CTNNA2: variants seen among roughly 807,000 people sequenced by gnomAD.
The protein encoded by CTNNA2 is catenin alpha-2.
CTNNA2 carries 42 observed loss-of-function variants against 101.0 expected under a neutral mutation model. The observed-to-expected ratio is 0.42, with a 90% CI of 0.32 to 0.54. The LOEUF (loss-of-function observed/expected upper bound fraction) is 0.54. Ranked by LOEUF, CTNNA2 falls within the 20% of genes least tolerant of loss-of-function variation. The pLI is 0.14. For missense variants in CTNNA2, 871 were observed against 1,223.1 expected (o/e 0.71, Z 4.29); for synonymous variants, 450 against 456.4 (o/e 0.99, Z 0.18).
At chr2:79,584,909 A>C (rs2103932824) in intron 1 of CTNNA2, among the ~76,000 whole-genome samples, 1 of 152,326 alleles carries the variant, frequency 6.6e-6, no homozygotes, top group Non-Finnish European at 1.5e-5. Context: ...ACAATTTTTT[A>C]AAAGCTGGTA....
chr2:80,057,984 A>C (rs1397912403), intron 7 of CTNNA2, among the ~76,000 whole-genome samples: 3 of 152,222 alleles, frequency 2.0e-5, no homozygotes, highest in South Asian at 2.1e-4. Flanking sequence ...CTAGGAAAAA[A>C]ATTAAAACTC....
intron 4 of CTNNA2, among the ~76,000 whole-genome samples, chr2:79,486,685 C>T (rs1162333681): frequency 2.0e-5 from 3 of 152,170 alleles, no homozygotes; most frequent in Non-Finnish European, 2.9e-5. Context: ...GTTTACAGTC[C>T]CACCAACTGT....
intron 7 of CTNNA2, among the ~76,000 whole-genome samples, chr2:79,947,367 A>T (rs1688568286): frequency 6.6e-6 from 1 of 152,140 alleles, no homozygotes; most frequent in African/African-American, 2.4e-5. Flanking sequence ...GGTCTAGAAG[A>T]TTTATTTTCT....
At chr2:80,464,507 A>G (rs1473576079) in intron 9 of CTNNA2, among the ~76,000 whole-genome samples, 5 of 152,196 alleles carry the variant, frequency 3.3e-5, no homozygotes, top group African/African-American at 1.2e-4. Context: ...TAAAAAGGGA[A>G]CAAGCAGATC....
intron 6 of CTNNA2, among the ~76,000 whole-genome samples, chr2:79,909,226 T>C (rs970036338): frequency 1.3e-5 from 2 of 152,234 alleles, no homozygotes; most frequent in African/African-American, 4.8e-5. Flanking sequence ...TTTATCATGT[T>C]TTAGCTCTAA....
intron 1 of CTNNA2, among the ~76,000 whole-genome samples, chr2:79,636,594 G>C (rs1680086076): frequency 6.6e-6 from 1 of 152,050 alleles, no homozygotes; most frequent in East Asian, 1.9e-4. Context: ...AGAGGACCCT[G>C]GGTATGTTGA....
At chr2:79,695,432 T>C (rs1251785967) in intron 2 of CTNNA2, among the ~76,000 whole-genome samples, 1 of 151,922 alleles carries the variant, frequency 6.6e-6, no homozygotes, top group Non-Finnish European at 1.5e-5. Context: ...AACAGGAATT[T>C]ATGTTGAGCA....
At chr2:79,819,341 T>G (rs554383713) in intron 3 of CTNNA2, among the ~76,000 whole-genome samples, 2 of 152,344 alleles carry the variant, frequency 1.3e-5, no homozygotes, top group East Asian at 3.9e-4. Flanking sequence ...CTGTGTGTAC[T>G]GCTGTTATAT....
intron 4 of CTNNA2, among the ~76,000 whole-genome samples, chr2:79,483,498 T>C (rs1001055618): frequency 6.6e-6 from 1 of 152,144 alleles, no homozygotes; most frequent in Non-Finnish European, 1.5e-5. Flanking sequence ...GATTTTGAGC[T>C]CACTCAGTAA....
chr2:79,930,275 A>AG (rs1491571107), intron 7 of CTNNA2, among the ~76,000 whole-genome samples: 2 of 12,262 alleles, frequency 1.6e-4, no homozygotes, highest in Admixed American at 6.6e-4. Flanking sequence ...AGAAAGAAAG[A>AG]AAGAGAGAGA....
In CTNNA2 at chr2:79,338,645, A is replaced by ATTCTTCTTCTTCTTCTTCTTCTT. The variant is rs1467280230; in HGVS notation, c.-318+25849_-318+25850insTTCTTCTTCTTCTTCTTCTTCTT. 2.2e-3 allele frequency among the ~76,000 whole-genome samples: 118 copies of ATTCTTCTTCTTCTTCTTCTTCTT among 53,906 alleles called. 1 individual carries two copies. Among genetic ancestry groups the ATTCTTCTTCTTCTTCTTCTTCTT allele is most frequent in the Middle Eastern group, 0.01 (1 of 96 alleles). 35.4% of individuals were successfully genotyped at this position (53,906 alleles called of 152,430 possible). ...TTCTTCTTCTTCTTCTTCTTCTTCA[A>ATTCTTCTTCTTCTTCTTCTTCTT]AGATTCCTCTGGCTGCTCTGGATTA... is the stretch of plus-strand genomic sequence containing the variant. On this transcript the variant is annotated intron_variant, in intron 3 of 21. Coordinates refer to the CTNNA2 transcript ENST00000466387.
intron 4 of CTNNA2, among the ~76,000 whole-genome samples, chr2:79,487,731 T>C (rs373810397): frequency 3.3e-5 from 5 of 152,274 alleles, no homozygotes; most frequent in South Asian, 4.1e-4. Flanking sequence ...TACCACTGCA[T>C]AGACAAATTC....
chr2:79,349,337 C>G (rs906077043), intron 3 of CTNNA2, among the ~76,000 whole-genome samples: 2 of 152,196 alleles, frequency 1.3e-5, no homozygotes, highest in African/African-American at 4.8e-5. Flanking sequence ...GAAATTCTAA[C>G]TCATGGGTTT....
intron 7 of CTNNA2, among the ~76,000 whole-genome samples, chr2:80,059,687 CCA>C (rs1697445563): frequency 6.6e-6 from 1 of 152,174 alleles, no homozygotes; most frequent in East Asian, 1.9e-4. Context: ...GTGGCGGCAC[CCA>C]CACACCTTGC....
intron 1 of CTNNA2, among the ~76,000 whole-genome samples, chr2:79,612,750 C>T (rs1044073682): frequency 6.6e-6 from 1 of 151,918 alleles, no homozygotes; most frequent in African/African-American, 2.4e-5. Context: ...AGAAAAATTA[C>T]CTAGTAATGT....
intron 3 of CTNNA2, among the ~76,000 whole-genome samples, chr2:79,330,012 T>G (rs1260457574): frequency 6.6e-6 from 1 of 152,140 alleles, no homozygotes; most frequent in Non-Finnish European, 1.5e-5. Context: ...GGCCTCTGTC[T>G]GTAAAACAGC....
chr2:80,085,709 C>G (rs971285306), intron 7 of CTNNA2, among the ~76,000 whole-genome samples: 1 of 151,736 alleles, frequency 6.6e-6, no homozygotes, highest in South Asian at 2.1e-4. Context: ...TCTGGCTTCC[C>G]CTATATTGAT....
intron 7 of CTNNA2, among the ~76,000 whole-genome samples, chr2:80,317,637 C>T (rs1678257953): frequency 6.6e-6 from 1 of 152,180 alleles, no homozygotes; most frequent in Non-Finnish European, 1.5e-5. Context: ...ATTCCCACTC[C>T]TCTCGGCCCC....
intron 7 of CTNNA2, among the ~76,000 whole-genome samples, chr2:80,333,453 T>C (rs1319475312): frequency 6.6e-6 from 1 of 152,108 alleles, no homozygotes; most frequent in African/African-American, 2.4e-5. Flanking sequence ...ATGATGGAGA[T>C]AAATAAGAGA....
Sources: gnomAD v4.1 joint callset for allele counts (sites outside exome capture counted in the v4.1 genomes callset) on GRCh38, gnomAD v4.1.1 for gene constraint, MANE v1.5 for transcripts, NCBI Gene and HGNC (gene_info 2026-07-23, HGNC 2026-07-21) for gene names.